Variants in LSM14A observed in about 807,000 individuals in gnomAD.
LSM14A encodes protein LSM14 homolog A.
Under a neutral mutation model 52.4 loss-of-function variants are expected in LSM14A, and 14 were observed. The observed-to-expected ratio is 0.27, with a 90% confidence interval of 0.18 to 0.42. The LOEUF (loss-of-function observed/expected upper bound fraction) is 0.42, where lower values mean the gene tolerates loss of function less well. Among genes scored for constraint, LSM14A ranks in the 10% least tolerant of loss-of-function variants. The pLI is 1.00. For missense variants in LSM14A, 417 were observed against 581.8 expected (o/e 0.72, Z 2.91); for synonymous variants, 185 against 200.3 (o/e 0.92, Z 0.64).
intron 3 of LSM14A, 31 bp downstream of exon 3, chr19:34,196,794 T>G: frequency 1.3e-6 from 2 of 1,574,216 alleles, no homozygotes; most frequent in Non-Finnish European, 1.7e-6. Flanking sequence ...CTTTTTTTGT[T>G]TTTGTATTCT....
chr19:34,197,563 T>C (rs537000473), intron 3 of LSM14A, among the ~76,000 whole-genome samples: 2 of 149,522 alleles, frequency 1.3e-5, no homozygotes, highest in Admixed American at 1.4e-4. Flanking sequence ...CTCAGCCTCC[T>C]GAGTAGCTGG....
intron 3 of LSM14A, 82 bp from the exon 4 acceptor site, chr19:34,208,847 A>T: frequency 1.1e-6 from 1 of 927,322 alleles, no homozygotes; most frequent in Non-Finnish European, 1.6e-6. Flanking sequence ...TACCATCATT[A>T]AAATGCTGCA....
chr19:34,204,256 TTCCAAAAGGAATAAAATC>T (rs2071520017), intron 3 of LSM14A, among the ~76,000 whole-genome samples: 1 of 152,168 alleles, frequency 6.6e-6, no homozygotes, highest in African/African-American at 2.4e-5. Flanking sequence ...TCACACTAAA[TTCCAAAAGGAATAAAATC>T]ATACATGGTA....
chr19:34,188,776 A>G (rs149537363), intron 1 of LSM14A, among the ~76,000 whole-genome samples: 106 of 152,128 alleles, frequency 7.0e-4, no homozygotes, highest in African/African-American at 2.5e-3. Context: ...TGTAACATGT[A>G]TCAGCATTGT....
chr19:34,222,782 C>A (rs762899556), intron 9 of LSM14A, among the ~76,000 whole-genome samples: 33 of 152,152 alleles, frequency 2.2e-4, no homozygotes, highest in Non-Finnish European at 2.4e-4. Flanking sequence ...CCGTTGGTGG[C>A]CTTATGTAGT....
chr19:34,224,295 T>C (rs1150498), intron 9 of LSM14A, among the ~76,000 whole-genome samples: 53,120 of 151,978 alleles, frequency 0.35, 9,741 homozygotes, highest in African/African-American at 0.4. Context: ...CACGCCACTG[T>C]ACTCCAGCCT....
At chr19:34,220,404 A>G in intron 8 of LSM14A, among the ~76,000 whole-genome samples, 1 of 152,258 alleles carries the variant, frequency 6.6e-6, no homozygotes. Context: ...GCATTTAGGT[A>G]ATGTCTAAGT....
chr19:34,220,156 A>T lies in LSM14A; in HGVS notation c.1136+279A>T, dbSNP rs547432525. 9.9e-5 allele frequency among the ~76,000 whole-genome samples: 15 copies of T among 152,086 alleles called. No homozygotes were observed. The South Asian group carries it at 2.7e-3, about 27-fold the overall frequency. ...TAATTTTTTTCATTTTTTTGTAGAG[A>T]TGGGGGTCTCGCTATGTTGCCCAGG... On this transcript the variant is annotated intron_variant, in intron 8 of 9. Transcript: ENST00000544216.
intron 1 of LSM14A, among the ~76,000 whole-genome samples, chr19:34,190,339 C>G (rs1338047373): frequency 6.6e-6 from 1 of 152,088 alleles, no homozygotes; most frequent in Non-Finnish European, 1.5e-5. Flanking sequence ...GCAAATCATT[C>G]TTATTCTGTG....
At position 34,227,416 on chromosome 19, in the gene LSM14A, G is replaced by A. The variant is rs1395875602; in HGVS notation, c.*28G>A. ...TACAAACAAGTCTCTGAAAATAGGT[G>A]AATTTCTAGCTCTTCATGGTCCTGA... On this transcript the variant is annotated 3_prime_UTR_variant, in exon 10 of 10. Coordinates refer to ENST00000544216, the MANE Select transcript of LSM14A (RefSeq NM_015578.4). 5 of 1,563,016 alleles carry A rather than the reference G, an allele frequency of 3.2e-6. No individual in the cohort carries two copies. Among genetic ancestry groups the A allele is most frequent in the African/African-American group, 1.4e-5 (1 of 72,410 alleles).
Position 34,229,043 on chromosome 19 carries a change from G to A in LSM14A, c.*1655G>A, listed in dbSNP as rs1209461392. 1 of 152,220 alleles carries A rather than the reference G, an allele frequency of 6.6e-6. No homozygotes were observed. Among genetic ancestry groups the A allele is most frequent in the African/African-American group, 2.4e-5 (1 of 41,446 alleles). 9.4% of individuals were successfully genotyped at this position (152,220 alleles called of 1,614,324 possible). ...CGAGGCATTCAGAGCATCAGAGCAAGTACCATGGCAATACATGTGTAGACT... is the reference window on the plus strand; with the variant it reads ...CGAGGCATTCAGAGCATCAGAGCAAATACCATGGCAATACATGTGTAGACT... On this transcript the variant is annotated 3_prime_UTR_variant, in exon 10 of 10. Coordinates refer to ENST00000544216, the MANE Select transcript of LSM14A (RefSeq NM_015578.4).
intron 1 of LSM14A, among the ~76,000 whole-genome samples, chr19:34,175,881 A>G (rs2069054356): frequency 6.6e-6 from 1 of 151,976 alleles, no homozygotes; most frequent in Admixed American, 6.6e-5. Flanking sequence ...GTTTTGAGAC[A>G]GAGTCTTGCT....
chr19:34,194,410 T>C, intron 1 of LSM14A, 68 bp from the exon 2 acceptor site: 1 of 1,306,912 alleles, frequency 7.7e-7, no homozygotes, highest in Non-Finnish European at 1.1e-6. Flanking sequence ...ATACAACATT[T>C]AGAATCTGGG....
At chr19:34,177,608 T>G (rs1203962174) in intron 1 of LSM14A, among the ~76,000 whole-genome samples, 1 of 152,198 alleles carries the variant, frequency 6.6e-6, no homozygotes, top group East Asian at 1.9e-4. Context: ...ACATCCCGGC[T>G]GGGCAGGGTG....
rs1389702492 is a variant in LSM14A, at chr19:34,219,773, C to G, written c.1032C>G (p.Thr344=). The change falls in exon 8 of 10, where the codon ACC becomes ACG. Residue 344 remains threonine, a synonymous_variant. Transcript: ENST00000544216. ...GEDKGDSGVD[T]QNSEGNADEE... is the part of the protein sequence containing the mutation. ...ATAAAGGAGACTCAGGAGTTGATAC[C>G]CAAAACAGTGAAGGAAATGCCGATG... The G allele has an allele frequency of 6.2e-7, 1 of 1,613,554 alleles. No homozygotes were observed. The highest frequency in any genetic ancestry group is 2.2e-5 in the East Asian group (1 of 44,856).
chr19:34,226,380 T>TC (rs1360228853), intron 9 of LSM14A: 3 of 1,214,512 alleles, frequency 2.5e-6, no homozygotes, highest in African/African-American at 3.3e-5. Context: ...TTTCTCTTTT[T>TC]TTTTTTTTTT....
chr19:34,172,584 G>T lies in LSM14A; in HGVS notation c.-59G>T. On this transcript the variant is annotated 5_prime_UTR_variant, in exon 1 of 10. Coordinates refer to ENST00000544216, the MANE Select transcript of LSM14A (RefSeq NM_015578.4). ...CGGAGCGAGCGGGCGTGCGGAGCGG[G>T]CGACAGTGGCGTGGGATCTGCCTCT... is the stretch of plus-strand genomic sequence containing the variant. 4.0e-6 allele frequency: 6 copies of T among 1,489,202 alleles called. No individual in the cohort carries two copies. The South Asian group carries it at 7.7e-5, about 19-fold the overall frequency. 92.2% of individuals were successfully genotyped at this position (1,489,202 alleles called of 1,614,324 possible).
chr19:34,224,192 C>T (rs759080551), intron 9 of LSM14A, among the ~76,000 whole-genome samples: 3 of 152,030 alleles, frequency 2.0e-5, no homozygotes, highest in Admixed American at 1.3e-4. Context: ...ATTAGCCGGG[C>T]GTGGTGGCAC....
intron 4 of LSM14A, among the ~76,000 whole-genome samples, chr19:34,212,993 TAAAAA>T (rs879721186): frequency 4.4e-4 from 67 of 151,802 alleles, no homozygotes; most frequent in Admixed American, 3.3e-3. Flanking sequence ...ACATGTGAAA[TAAAAA>T]AAATTAGCAA....
Sources: allele counts gnomAD v4.1 joint callset (sites outside exome capture counted in the v4.1 genomes callset), GRCh38; gene constraint gnomAD v4.1.1; transcripts MANE v1.5; gene names NCBI Gene and HGNC (gene_info 2026-07-23, HGNC 2026-07-21).